Variants in MID1 observed in about 807,000 individuals in gnomAD.
The protein encoded by MID1 is E3 ubiquitin-protein ligase Midline-1.
In MID1, 7 loss-of-function variants were observed where a neutral mutation model predicts 40.4. The observed-to-expected ratio is 0.17, with a 90% CI of 0.10 to 0.33. The LOEUF (loss-of-function observed/expected upper bound fraction) is 0.33, where lower values mean the gene tolerates loss of function less well. MID1 is among the 10% of genes least tolerant of loss of function. The pLI, the probability that MID1 is intolerant of heterozygous loss-of-function variation, is 1.00. For missense variants in MID1, 367 were observed against 558.5 expected, an observed-to-expected ratio of 0.66 and a Z score of 3.46; for synonymous variants, 229 against 221.2, an observed-to-expected ratio of 1.04 and a Z score of -0.31.
chrX:10,466,133 G>A (rs1773615770), intron 7 of MID1, among the ~76,000 whole-genome samples: 1 of 111,574 alleles, frequency 9.0e-6, no homozygotes, highest in African/African-American at 3.3e-5. Context: ...GTTTTACAAT[G>A]AATCATCTCT....
At position 10,615,632 on chromosome X, in the gene MID1, T is replaced by A. The variant is rs771573126; in HGVS notation, c.-57+4658A>T. 2.3e-4 allele frequency among the ~76,000 whole-genome samples: 26 copies of A among 112,066 alleles called. No individual in the cohort carries two copies. The East Asian group carries it at 6.4e-3, about 28-fold the overall frequency. Reference sequence around the variant, plus strand: ...GCCTCAATTTTCTGTGCTCCTACTATCACCTGACCTCCTGGAGGCCATTAA... The same window carrying A: ...GCCTCAATTTTCTGTGCTCCTACTAACACCTGACCTCCTGGAGGCCATTAA... On this transcript the variant is annotated intron_variant, in intron 1 of 9. Coordinates refer to ENST00000317552, the MANE Select transcript of MID1 (RefSeq NM_000381.4).
chrX:10,684,455 G>A (rs1190676268), intron 1 of MID1, among the ~76,000 whole-genome samples: 5 of 101,863 alleles, frequency 4.9e-5, no homozygotes, highest in Non-Finnish European at 9.9e-5. Context: ...CCAGGCTGGA[G>A]TGCAGTGGCG....
intron 1 of MID1, among the ~76,000 whole-genome samples, chrX:10,819,492 T>C (rs73491057): frequency 3.3e-3 from 365 of 111,279 alleles, no homozygotes; most frequent in African/African-American, 0.011. Context: ...TCCTTTATCC[T>C]CACCTCCCCC....
chrX:10,534,081 C>G (rs1933146175), intron 2 of MID1, among the ~76,000 whole-genome samples: 1 of 110,222 alleles, frequency 9.1e-6, no homozygotes, highest in Non-Finnish European at 1.9e-5. Flanking sequence ...TAATTAATGT[C>G]TATAAAATCC....
intron 1 of MID1, among the ~76,000 whole-genome samples, chrX:10,673,108 T>C (rs141096109): frequency 0.036 from 4,080 of 112,002 alleles, 144 homozygotes; most frequent in African/African-American, 0.12. Context: ...TGAATGACTA[T>C]ACTATGAGAG....
chrX:10,507,192 T>C (rs1446245606), intron 3 of MID1, among the ~76,000 whole-genome samples: 1 of 106,516 alleles, frequency 9.4e-6, no homozygotes, highest in African/African-American at 3.4e-5. Flanking sequence ...TCCCTCTTTA[T>C]ACATTATCAT....
intron 1 of MID1, among the ~76,000 whole-genome samples, chrX:10,770,691 T>G (rs2043760071): frequency 8.9e-6 from 1 of 112,482 alleles, no homozygotes; most frequent in African/African-American, 3.2e-5. Flanking sequence ...TTCGTGTTCC[T>G]TATGAGGGAA....
intron 1 of MID1, among the ~76,000 whole-genome samples, chrX:10,665,808 G>A (rs924611437): frequency 3.6e-5 from 4 of 110,729 alleles, no homozygotes; most frequent in African/African-American, 9.9e-5. Context: ...GATTATAGGC[G>A]TGAGCCACCC....
intron 1 of MID1, among the ~76,000 whole-genome samples, chrX:10,643,688 A>G (rs1369070907): frequency 1.3e-4 from 14 of 111,380 alleles, no homozygotes; most frequent in Non-Finnish European, 2.5e-4. Context: ...TCATGCTGCT[A>G]TAAAGACACA....
chrX:10,654,933 C>G (rs2042859769), intron 1 of MID1, among the ~76,000 whole-genome samples: 1 of 112,168 alleles, frequency 8.9e-6, no homozygotes, highest in African/African-American at 3.3e-5. Flanking sequence ...TTGAGACACA[C>G]CAGTGAAATA....
intron 1 of MID1, among the ~76,000 whole-genome samples, chrX:10,798,887 A>G (rs1254613850): frequency 8.9e-6 from 1 of 111,912 alleles, no homozygotes; most frequent in Non-Finnish European, 1.9e-5. Context: ...TCCTGGGGCC[A>G]AATAGAAGAC....
At chrX:10,484,940 T>C (rs754291831) in intron 4 of MID1, among the ~76,000 whole-genome samples, 18 of 109,452 alleles carry the variant, frequency 1.6e-4, no homozygotes, top group Non-Finnish European at 3.2e-4. Context: ...GCACGCTGTA[T>C]TGTGATGTCA....
chrX:10,676,573 T>C (rs2043024751), intron 1 of MID1, among the ~76,000 whole-genome samples: 1 of 111,883 alleles, frequency 8.9e-6, no homozygotes, highest in Non-Finnish European at 1.9e-5. Flanking sequence ...CTGAGGGGAC[T>C]CTGAAAGCTG....
chrX:10,626,174 A>G (rs1329583648), intron 1 of MID1, among the ~76,000 whole-genome samples: 2 of 111,225 alleles, frequency 1.8e-5, no homozygotes, highest in African/African-American at 6.5e-5. Flanking sequence ...ATTATGGCAG[A>G]GACTACTGGT....
intron 1 of MID1, among the ~76,000 whole-genome samples, chrX:10,701,474 C>T (rs2043193767): frequency 8.9e-6 from 1 of 111,817 alleles, no homozygotes; most frequent in Non-Finnish European, 1.9e-5. Flanking sequence ...GATGCCATTC[C>T]GTGGCTGGTA....
At chrX:10,601,784 G>T (rs978307120) in intron 1 of MID1, among the ~76,000 whole-genome samples, 2 of 111,767 alleles carry the variant, frequency 1.8e-5, no homozygotes, top group African/African-American at 6.5e-5. Flanking sequence ...TTGGGAATGG[G>T]GAAGAAGGAG....
chrX:10,749,103 T>C (rs1032571097), intron 1 of MID1, among the ~76,000 whole-genome samples: 2 of 111,552 alleles, frequency 1.8e-5, no homozygotes, highest in African/African-American at 6.5e-5. Flanking sequence ...GCCCACTATC[T>C]CCCTATCCTC....
rs763213183 is a variant in MID1, at chrX:10,576,018, G to A, written c.-56-8415C>T. Among the ~76,000 whole-genome samples the A allele has an allele frequency of 7.4e-5, 8 of 108,638 alleles. No homozygotes were observed. In the South Asian group the frequency reaches 3.2e-3, roughly 44 times the overall value. 94.3% of individuals were successfully genotyped at this position (108,638 alleles called of 115,157 possible). ...GAGGGACTGTTTGAAAAAAAAAAGT[G>A]ACAAGCAGATGAGCACTGAGATGCT... On this transcript the variant is annotated intron_variant, in intron 1 of 9. Transcript: ENST00000317552.
intron 1 of MID1, among the ~76,000 whole-genome samples, chrX:10,591,469 C>A (rs956125677): frequency 6.2e-5 from 7 of 112,076 alleles, no homozygotes; most frequent in Admixed American, 5.7e-4. Flanking sequence ...TAGTTAGTTT[C>A]ACAACTTTAG....
Sources: allele counts gnomAD v4.1 joint callset (sites outside exome capture counted in the v4.1 genomes callset), GRCh38; gene constraint gnomAD v4.1.1; transcripts MANE v1.5; gene names NCBI Gene and HGNC (gene_info 2026-07-23, HGNC 2026-07-21).